Variants in SPTBN4 observed in about 807,000 individuals in gnomAD.
SPTBN4 encodes spectrin beta, non-erythrocytic 4.
Under a neutral mutation model 277.8 loss-of-function variants are expected in SPTBN4, and 96 were observed. The ratio of observed to expected loss-of-function variants is 0.35; its 90% CI spans 0.29 to 0.41. The LOEUF (loss-of-function observed/expected upper bound fraction) is 0.41, where lower values mean the gene tolerates loss of function less well. SPTBN4 is among the 10% of genes least tolerant of loss of function. SPTBN4 has a pLI of 1.00. For synonymous variants in SPTBN4, 1,481 were observed against 1,580.3 expected, an observed-to-expected ratio of 0.94 and a Z score of 1.49; for missense variants, 3,006 against 3,595.7, an observed-to-expected ratio of 0.84 and a Z score of 4.19.
rs2081196856 is a variant in SPTBN4, at chr19:40,575,787, C to T, written c.*218C>T. 2.2e-6 allele frequency: 1 copy of T among 453,522 alleles called. No homozygotes were observed. The highest frequency in any genetic ancestry group is 3.8e-6 in the Non-Finnish European group (1 of 265,480). The allele number at this position is 453,522 out of a possible 1,614,324, so 28.1% of individuals were successfully genotyped here. ...CATATCTCGGCCCCTTCCCACTCAC[C>T]ACCCCCACCCCAGGTGCTGGGGGTC... On this transcript the variant is annotated 3_prime_UTR_variant, in exon 36 of 36. Transcript: ENST00000598249.
At chr19:40,553,737 A>G (rs2145929685) in intron 22 of SPTBN4, among the ~76,000 whole-genome samples, 1 of 152,294 alleles carries the variant, frequency 6.6e-6, no homozygotes, top group South Asian at 2.1e-4. Flanking sequence ...AAATGTGTGC[A>G]ACTGTATACC....
At chr19:40,573,975 G>A (rs541918381) in intron 35 of SPTBN4, among the ~76,000 whole-genome samples, 2 of 152,042 alleles carry the variant, frequency 1.3e-5, no homozygotes, top group South Asian at 2.1e-4. Context: ...GGTGGCGGGC[G>A]CCTGTAGTCC....
intron 27 of SPTBN4, among the ~76,000 whole-genome samples, chr19:40,562,529 CAAAAAAAAA>C (rs35366889): frequency 1.8e-5 from 1 of 55,706 alleles, no homozygotes; most frequent in Non-Finnish European, 3.1e-5. Flanking sequence ...GACTCTGTGT[CAAAAAAAAA>C]AAAAAAAAAA....
In SPTBN4 at chr19:40,515,351, C is replaced by T. The variant is rs373335509; in HGVS notation, c.2806C>T (p.Arg936Cys). 9.0e-5 allele frequency: 145 copies of T among 1,611,318 alleles called. No individual in the cohort carries two copies. The highest frequency in any genetic ancestry group is 1.1e-4 in the Non-Finnish European group (134 of 1,179,010). The part of the protein sequence containing the change: ...LDQEMNSLMG[R>C]VLDVNHTVQE... ...CCAAGAGATGAACAGCCTGATGGGC[C>T]GCGTTCTGGACGTGAACCACACAGT... Residue 936 changes from arginine to cysteine, a missense_variant, in exon 15 of 36, where the codon CGC becomes TGC. This residue lies in a region of SPTBN4 where 1,759 missense variants were observed against 2,061.5 expected (regional missense o/e 0.85). Transcript: ENST00000598249. The surrounding 1 kb of genome is among the most constrained non-coding windows in gnomAD (Gnocchi z 4.1).
intron 2 of SPTBN4, among the ~76,000 whole-genome samples, chr19:40,485,240 C>T (rs377703071): frequency 3.3e-4 from 51 of 152,290 alleles, no homozygotes; most frequent in African/African-American, 1.2e-3. Context: ...ACCTCCACCT[C>T]CCTGGTTCAA....
chr19:40,489,874 G>C (rs2080117290), intron 3 of SPTBN4, among the ~76,000 whole-genome samples: 1 of 152,190 alleles, frequency 6.6e-6, no homozygotes, highest in South Asian at 2.1e-4. Flanking sequence ...TTCTTTAAAG[G>C]GTCTGGCTAT....
chr19:40,469,482 C>G (rs569862594), intron 1 of SPTBN4, among the ~76,000 whole-genome samples: 14 of 151,800 alleles, frequency 9.2e-5, no homozygotes, highest in Admixed American at 8.6e-4. Flanking sequence ...CCAGGCTGGT[C>G]TTGAACTCCT....
chr19:40,562,927 T>A (rs2081057962), intron 27 of SPTBN4, among the ~76,000 whole-genome samples: 1 of 151,794 alleles, frequency 6.6e-6, no homozygotes, highest in South Asian at 2.1e-4. Context: ...ATTTGGCCAA[T>A]CTAGCCAAAA....
chr19:40,485,636 G>A (rs1256915123), intron 2 of SPTBN4, among the ~76,000 whole-genome samples: 1 of 151,626 alleles, frequency 6.6e-6, no homozygotes, highest in Non-Finnish European at 1.5e-5. Flanking sequence ...TGAGACCCTT[G>A]TCTCTACAAA....
intron 26 of SPTBN4, among the ~76,000 whole-genome samples, chr19:40,557,977 C>G (rs1470571096): frequency 1.4e-5 from 2 of 138,334 alleles, no homozygotes; most frequent in Admixed American, 1.5e-4. Context: ...TCTCCTAAAA[C>G]TGTGAGTTTT....
intron 22 of SPTBN4, among the ~76,000 whole-genome samples, chr19:40,550,604 G>A (rs1445302728): frequency 6.6e-6 from 1 of 151,156 alleles, no homozygotes; most frequent in African/African-American, 2.4e-5. Context: ...CTGAGTTCAA[G>A]CGATTCTCCT....
At chr19:40,506,884 T>C (rs1049699329) in intron 13 of SPTBN4, among the ~76,000 whole-genome samples, 2 of 151,964 alleles carry the variant, frequency 1.3e-5, no homozygotes, top group Non-Finnish European at 2.9e-5. Context: ...ATTTGGAGGC[T>C]GAGGCAGGAG....
intron 20 of SPTBN4, among the ~76,000 whole-genome samples, chr19:40,540,205 G>A (rs1481447955): frequency 4.6e-5 from 7 of 152,092 alleles, no homozygotes; most frequent in Non-Finnish European, 2.9e-5. Context: ...GGGATAATAG[G>A]CATGAACCAC....
At chr19:40,511,895 G>A (rs1307718799) in intron 13 of SPTBN4, among the ~76,000 whole-genome samples, 3 of 152,272 alleles carry the variant, frequency 2.0e-5, no homozygotes, top group Non-Finnish European at 1.5e-5. Flanking sequence ...AGGCCAAGGC[G>A]GGTGGATCAC....
chr19:40,513,076 G>A lies in SPTBN4; in HGVS notation c.2287G>A (p.Ala763Thr). The A allele has an allele frequency of 7.1e-7, 1 of 1,413,160 alleles. No homozygotes were observed. The highest frequency in any genetic ancestry group is 3.2e-5 in the Admixed American group (1 of 31,066). 87.5% of individuals were successfully genotyped at this position (1,413,160 alleles called of 1,614,324 possible). A position where few individuals can be genotyped will look rare whatever the true frequency, so the allele number is the denominator to read the frequency against. The part of the protein sequence containing the change: ...RRWQRLEEAA[A>T]RRERRLQEAR... ...CTGGCAGAGGCTGGAAGAGGCGGCG[G>A]CGCGGCGAGAGCGGCGGCTGCAGGA... Residue 763 changes from alanine (A) to threonine (T), a missense_variant, in exon 14 of 36, where the codon GCG becomes ACG. Physicochemically the swap from Ala to Thr is moderately conservative, Grantham distance 58. This residue lies in a region of SPTBN4 where 1,759 missense variants were observed against 2,061.5 expected (regional missense o/e 0.85). Coordinates refer to ENST00000598249, the MANE Select transcript of SPTBN4 (RefSeq NM_020971.3).
rs781148501 is a variant in SPTBN4, at chr19:40,557,051, C to T, written c.5318C>T (p.Ala1773Val). The T allele has an allele frequency of 2.1e-6, 3 of 1,435,518 alleles. No homozygotes were observed. The highest frequency in any genetic ancestry group is 1.2e-5 in the South Asian group (1 of 81,126). The allele number at this position is 1,435,518 out of a possible 1,614,324, so 88.9% of individuals were successfully genotyped here. ...SVLQEKFSEF[A>V]SETGMAGRER... is the part of the protein sequence containing the mutation. Reference sequence around the variant, plus strand: ...CTGCAGGAGAAATTCTCAGAGTTTGCCAGCGAGACAGGTATGGCAGGGCGG... The same window carrying T: ...CTGCAGGAGAAATTCTCAGAGTTTGTCAGCGAGACAGGTATGGCAGGGCGG... The change falls in exon 26 of 36, where the codon GCC becomes GTC. Residue 1773 changes from alanine (A) to valine (V), a missense_variant. Ala to Val is a moderately conservative substitution (Grantham distance 64, BLOSUM62 0). This residue lies in a region of SPTBN4 where 425 missense variants were observed against 594.7 expected (regional missense o/e 0.71). Transcript: ENST00000598249.
intron 6 of SPTBN4, among the ~76,000 whole-genome samples, chr19:40,495,553 C>G (rs984200874): frequency 1.3e-5 from 2 of 152,064 alleles, no homozygotes; most frequent in African/African-American, 4.8e-5. Flanking sequence ...GAGGCTGAGG[C>G]AGGAGAATCG....
At chr19:40,514,727 G>A (rs2080434193) in intron 14 of SPTBN4, among the ~76,000 whole-genome samples, 1 of 152,204 alleles carries the variant, frequency 6.6e-6, no homozygotes, top group African/African-American at 2.4e-5. Flanking sequence ...AGGCTGTGGG[G>A]CTGGGTGGAA....
Position 40,557,292 on chromosome 19 carries a change from G to A in SPTBN4, c.5559G>A (p.Lys1853=), listed in dbSNP as rs777113084. Reference sequence around the variant, plus strand: ...AGCTTCAGGGACAGATTGAGGAGAAGCGGAGGCGGCTGCCCCGCCTGACCA... The same window carrying A: ...AGCTTCAGGGACAGATTGAGGAGAAACGGAGGCGGCTGCCCCGCCTGACCA... The part of the protein sequence containing the change: ...ARELQGQIEE[K]RRRLPRLTTP... The change falls in exon 26 of 36, where the codon AAG becomes AAA. Residue 1853 remains lysine, a synonymous_variant. Transcript: ENST00000598249. 1.2e-6 allele frequency: 2 copies of A among 1,613,382 alleles called. No individual in the cohort carries two copies. The highest frequency in any genetic ancestry group is 1.3e-5 in the African/African-American group (1 of 74,938).
Sources: allele counts gnomAD v4.1 joint callset (sites outside exome capture counted in the v4.1 genomes callset), GRCh38; gene constraint gnomAD v4.1.1; regional missense constraint gnomAD v4.1.1; non-coding constraint Gnocchi (gnomAD v3.1); transcripts MANE v1.5; gene names NCBI Gene and HGNC (gene_info 2026-07-23, HGNC 2026-07-21).